The following HLA-DPA1 variants were observed in gnomAD, a reference collection of about 807,000 sequenced individuals.
The protein encoded by HLA-DPA1 is major histocompatibility complex, class II, DP alpha 1.
In HLA-DPA1, 20 loss-of-function variants were observed where a neutral mutation model predicts 21.5. That is an observed-to-expected ratio of 0.93 (90% CI 0.66 to 1.35). The LOEUF is 1.35. Ranked by LOEUF, HLA-DPA1 falls within the 40% of genes most tolerant of loss-of-function variation. The pLI, the probability that HLA-DPA1 is intolerant of heterozygous loss-of-function variation, is 0.00. For synonymous variants in HLA-DPA1, 123 were observed against 129.6 expected (o/e 0.95, Z 0.35); for missense variants, 279 against 323.0 (o/e 0.86, Z 1.05).
At chr6:33,066,738 A>G (rs1308080557) in intron 5 of HLA-DPA1, 1 of 152,260 alleles carries the variant, frequency 6.6e-6, no homozygotes, top group Non-Finnish European at 1.5e-5. Flanking sequence ...ATGGAAGCAC[A>G]TAGTACAAAA....
In HLA-DPA1 at chr6:33,074,652, C is replaced by T. The variant is rs141629402; in HGVS notation, c.-99-983G>A. On this transcript the variant is annotated intron_variant, in intron 1 of 5. Transcript: ENST00000419277. ...ACCTTGCATAAATAATAATTACTAA[C>T]AGATTAGGACATGAGAGATTCTGTT... Among the ~76,000 whole-genome samples the T allele has an allele frequency of 3.6e-3, 542 of 152,280 alleles. 3 individuals are homozygous for T. Among genetic ancestry groups the T allele is most frequent in the East Asian group, 0.026 (133 of 5,190 alleles).
intron 1 of HLA-DPA1, among the ~76,000 whole-genome samples, chr6:33,075,355 T>A (rs1335833939): frequency 6.6e-6 from 1 of 152,222 alleles, no homozygotes; most frequent in East Asian, 1.9e-4. Context: ...GTAGGTGGTG[T>A]GTCCACGCTC....
chr6:33,073,630 G>A, exon 2 of HLA-DPA1: 2 of 1,213,020 alleles, frequency 1.6e-6, no homozygotes, highest in South Asian at 1.2e-5. Flanking sequence ...AACTGAGGCC[G>A]AGTGGAGGCA....
In HLA-DPA1 at chr6:33,068,675, T is replaced by C. The variant is rs1363836461; in HGVS notation, c.758A>G (p.Asp253Gly). Reference sequence around the variant, plus strand: ...TCACAGGGTCCCCTGGGCCCGGGGGTCATGGCCAGAACGCAGAGACTTTAT... The same window carrying C: ...TCACAGGGTCCCCTGGGCCCGGGGGCCATGGCCAGAACGCAGAGACTTTAT... The change falls in exon 5 of 6, where the codon GAC (aspartate) becomes GGC (glycine). Residue 253 changes from aspartate (D) to glycine (G), a missense_variant. By Grantham distance (94) the Asp-to-Gly change is moderately conservative (BLOSUM62 -1). Transcript: ENST00000419277. 1.9e-6 allele frequency: 3 copies of C among 1,612,538 alleles called. No individual in the cohort carries two copies. In the African/African-American group the frequency reaches 4.0e-5, roughly 22 times the overall value.
At chr6:33,074,602 A>G (rs1762446504) in intron 1 of HLA-DPA1, among the ~76,000 whole-genome samples, 1 of 152,190 alleles carries the variant, frequency 6.6e-6, no homozygotes, top group Non-Finnish European at 1.5e-5. Flanking sequence ...TTACGTTAAT[A>G]TTTTATCTTA....
At position 33,069,314 on chromosome 6, in the gene HLA-DPA1, G is replaced by A; in HGVS notation, c.347-14C>T. Reference sequence around the variant, plus strand: ...CCTCAGGGGGATCTGGAAGGAGACAGCACCAGGTTAGGCCCCTCTTCTGGG... The same window carrying A: ...CCTCAGGGGGATCTGGAAGGAGACAACACCAGGTTAGGCCCCTCTTCTGGG... On this transcript the variant is annotated splice_polypyrimidine_tract_variant and intron_variant, in intron 3 of 5. Coordinates refer to ENST00000419277, the Ensembl canonical transcript of HLA-DPA1. 6.2e-7 allele frequency: 1 copy of A among 1,608,824 alleles called. No individual in the cohort carries two copies. Among genetic ancestry groups the A allele is most frequent in the South Asian group, 1.1e-5 (1 of 90,422 alleles).
chr6:33,080,693 G>A lies in HLA-DPA1; in HGVS notation c.-113C>T. ...GCAGAGAATTACCTTTTCCAGGGAC[G>A]GCAGGAATGCTACGCGTTTAATGGG... On this transcript the variant is annotated 5_prime_UTR_variant, in exon 1 of 6. Transcript: ENST00000419277. The surrounding 1 kb of genome is among the most constrained non-coding windows in gnomAD (Gnocchi z 4.3). 2 of 1,612,942 alleles carry A rather than the reference G, an allele frequency of 1.2e-6. No individual in the cohort carries two copies. Among genetic ancestry groups the A allele is most frequent in the Non-Finnish European group, 1.7e-6 (2 of 1,179,640 alleles).
At chr6:33,069,130 C>T (rs776906534) in exon 4 of HLA-DPA1, 2 of 1,613,090 alleles carry the variant, frequency 1.2e-6, no homozygotes, top group Non-Finnish European at 1.7e-6. Context: ...AAGCTGTAAT[C>T]TGTTCTGGGC....
chr6:33,069,999 G>A, intron 2 of HLA-DPA1, 113 bp from the exon 2 acceptor site: 1 of 933,378 alleles, frequency 1.1e-6, no homozygotes, highest in Non-Finnish European at 1.6e-6. Context: ...AAGGTAAGAG[G>A]TCAAAGGAAG....
In HLA-DPA1 at chr6:33,080,427, T is replaced by C. The variant is rs896516652; in HGVS notation, c.-100+253A>G. The C allele has an allele frequency of 5.8e-6, 4 of 693,426 alleles. No individual in the cohort carries two copies. In the Middle Eastern group the frequency reaches 1.1e-3, roughly 194 times the overall value. 43.0% of individuals were successfully genotyped at this position (693,426 alleles called of 1,614,324 possible). A position where few individuals can be genotyped will look rare whatever the true frequency, so the allele number is the denominator to read the frequency against. ...CCCCTCAGTGCTCGCCCCTCCCTAG[T>C]GATCACTCAGTGCCCCTGAGCTCAT... On this transcript the variant is annotated intron_variant, in intron 1 of 5. Coordinates refer to ENST00000419277, the Ensembl canonical transcript of HLA-DPA1. This position sits in a 1 kb window ranked among gnomAD's most constrained non-coding sequence, Gnocchi z 4.3.
At position 33,073,486 on chromosome 6, in the gene HLA-DPA1, C is replaced by G. The variant is rs756626028; in HGVS notation, c.85G>C (p.Ala29Pro). Reference sequence around the variant, plus strand: ...GAGCACTCACCCTTGATGGCCCCAGCTCCTCGGAGACTCAGCAGGAAAGCC... The same window carrying G: ...GAGCACTCACCCTTGATGGCCCCAGGTCCTCGGAGACTCAGCAGGAAAGCC... Residue 29 changes from alanine (A) to proline (P), a missense_variant, in exon 2 of 6, where the codon GCT becomes CCT. By Grantham distance (27) the Ala-to-Pro change is conservative (BLOSUM62 -1). Coordinates refer to ENST00000419277, the Ensembl canonical transcript of HLA-DPA1. 3 of 1,612,124 alleles carry G rather than the reference C, an allele frequency of 1.9e-6. No individual in the cohort carries two copies. In the East Asian group the frequency reaches 6.7e-5, roughly 36 times the overall value.
At chr6:33,071,712 T>C (rs951597877) in intron 2 of HLA-DPA1, among the ~76,000 whole-genome samples, 1 of 152,122 alleles carries the variant, frequency 6.6e-6, no homozygotes, top group Non-Finnish European at 1.5e-5. Flanking sequence ...TACGTAGGTA[T>C]ACACAAGATG....
chr6:33,067,857 G>T (rs56669692), intron 5 of HLA-DPA1: 1 of 151,686 alleles, frequency 6.6e-6, no homozygotes, highest in Admixed American at 6.6e-5. Flanking sequence ...ATAAATCAAG[G>T]GAGAGAGAGA....
At chr6:33,076,185 C>A (rs1161005096) in intron 1 of HLA-DPA1, 4 of 1,332,678 alleles carry the variant, frequency 3.0e-6, no homozygotes, top group East Asian at 4.7e-5. Context: ...GCTCAGGGAA[C>A]AATTCCTAGG....
At chr6:33,066,048 T>G (rs1209638371) in intron 5 of HLA-DPA1, 2 of 152,230 alleles carry the variant, frequency 1.3e-5, no homozygotes, top group African/African-American at 4.8e-5. Flanking sequence ...GTGCATCCCC[T>G]ACATCACCCT....
At chr6:33,074,144 T>C (rs1762424629) in intron 1 of HLA-DPA1, among the ~76,000 whole-genome samples, 1 of 152,242 alleles carries the variant, frequency 6.6e-6, no homozygotes, top group Admixed American at 6.5e-5. Flanking sequence ...AGTGTTATAA[T>C]TTCTATTTAG....
chr6:33,073,777 G>T, intron 1 of HLA-DPA1, 128 bp from the exon 1 acceptor site: 1 of 533,270 alleles, frequency 1.9e-6, no homozygotes. Context: ...AAGGTGCTGG[G>T]GAAGAGATGG....
At chr6:33,076,442 G>A (rs1203222836) in intron 1 of HLA-DPA1, among the ~76,000 whole-genome samples, 1 of 152,176 alleles carries the variant, frequency 6.6e-6, no homozygotes, top group Admixed American at 6.5e-5. Context: ...GGTTTGCAGA[G>A]AGAGAAGTTG....
intron 2 of HLA-DPA1, among the ~76,000 whole-genome samples, chr6:33,070,814 C>A (rs1275612397): frequency 6.6e-6 from 1 of 152,170 alleles, no homozygotes; most frequent in Admixed American, 6.5e-5. Flanking sequence ...AGGTACTAAG[C>A]ATTCTAAACT....
Sources: gnomAD v4.1 joint callset for allele counts (sites outside exome capture counted in the v4.1 genomes callset) on GRCh38, gnomAD v4.1.1 for gene constraint, Gnocchi (gnomAD v3.1) non-coding constraint, MANE v1.5 for transcripts, NCBI Gene and HGNC (gene_info 2026-07-23, HGNC 2026-07-21) for gene names.